KIAA1217: variants seen among roughly 807,000 people sequenced by gnomAD.
The protein encoded by KIAA1217 is sickle tail protein homolog.
A neutral mutation model predicts 163.9 loss-of-function variants in KIAA1217; 88 were observed. The observed-to-expected ratio is 0.54, with a 90% CI of 0.45 to 0.64. The LOEUF (loss-of-function observed/expected upper bound fraction) is 0.64. Ranked by LOEUF, KIAA1217 falls within the 30% of genes least tolerant of loss-of-function variation. The pLI is 0.00. For synonymous variants in KIAA1217, 903 were observed against 923.1 expected (o/e 0.98, Z 0.39); for missense variants, 2,372 against 2,475.0 (o/e 0.96, Z 0.88).
At chr10:23,954,698 T>G (rs1235353446) in intron 1 of KIAA1217, among the ~76,000 whole-genome samples, 2 of 152,040 alleles carry the variant, frequency 1.3e-5, no homozygotes, top group Non-Finnish European at 2.9e-5. Context: ...ACATGTAGAT[T>G]ATCTGCTCTA....
intron 2 of KIAA1217, among the ~76,000 whole-genome samples, chr10:24,198,036 T>G (rs1449928448): frequency 6.6e-6 from 1 of 152,258 alleles, no homozygotes; most frequent in Non-Finnish European, 1.5e-5. Flanking sequence ...TGAGTGAATA[T>G]CCAAACATAT....
intron 2 of KIAA1217, among the ~76,000 whole-genome samples, chr10:24,305,331 GA>G (rs1167299894): frequency 1.3e-5 from 2 of 152,166 alleles, no homozygotes. Flanking sequence ...GTGTCCTAAA[GA>G]ACCATCTTAA....
intron 1 of KIAA1217, among the ~76,000 whole-genome samples, chr10:23,907,292 T>TGTGTGTGTGTGTGTG (rs1554822036): frequency 3.4e-4 from 49 of 145,860 alleles, no homozygotes; most frequent in Admixed American, 1.6e-3. Flanking sequence ...CCAATATGAT[T>TGTGTGTGTGTGTGTG]TGTGTGTGTG....
intron 1 of KIAA1217, among the ~76,000 whole-genome samples, chr10:23,954,194 G>C (rs2131360580): frequency 6.6e-6 from 1 of 152,206 alleles, no homozygotes; most frequent in African/African-American, 2.4e-5. Context: ...TAAGTCAATA[G>C]ACGGAAAGAT....
chr10:23,869,924 A>G (rs552971499), intron 1 of KIAA1217, among the ~76,000 whole-genome samples: 2 of 152,280 alleles, frequency 1.3e-5, no homozygotes, highest in African/African-American at 4.8e-5. Flanking sequence ...TCTTCCTTAA[A>G]TACCGCCAGC....
intron 2 of KIAA1217, among the ~76,000 whole-genome samples, chr10:24,230,502 GTTT>G: frequency 1.1e-5 from 1 of 90,640 alleles, no homozygotes; most frequent in Non-Finnish European, 1.9e-5. Context: ...TATTTGTTTT[GTTT>G]TTTTTTTTTT....
intron 2 of KIAA1217, among the ~76,000 whole-genome samples, chr10:24,153,376 A>G (rs966025195): frequency 1.3e-5 from 2 of 152,212 alleles, no homozygotes; most frequent in Non-Finnish European, 2.9e-5. Flanking sequence ...TAAACATTGG[A>G]AGTAATAAAA....
chr10:23,936,954 C>T (rs1843556409), intron 1 of KIAA1217, among the ~76,000 whole-genome samples: 1 of 152,154 alleles, frequency 6.6e-6, no homozygotes, highest in African/African-American at 2.4e-5. Flanking sequence ...TCTCAGCTTA[C>T]TGCAACCTCC....
In KIAA1217 at chr10:24,383,461, C is replaced by T. The variant is rs114651191; in HGVS notation, c.553+2394C>T. The stretch of plus-strand genomic sequence containing the variant: ...GCAGAGAGGCTGCAGGAGCTGGGGC[C>T]GGCTTGCCCAAGGAATGGCTGAGGG... On this transcript the variant is annotated intron_variant, in intron 3 of 20. Coordinates refer to ENST00000376454, the MANE Select transcript of KIAA1217 (RefSeq NM_019590.5). Among the ~76,000 whole-genome samples, 593 of 152,326 alleles carry T rather than the reference C, an allele frequency of 3.9e-3. 1 individual carries two copies. The highest frequency in any genetic ancestry group is 0.011 in the African/African-American group (438 of 41,588).
intron 2 of KIAA1217, among the ~76,000 whole-genome samples, chr10:24,027,024 G>T (rs1847982898): frequency 6.6e-6 from 1 of 151,770 alleles, no homozygotes; most frequent in African/African-American, 2.4e-5. Context: ...AGGTTATTGA[G>T]ATGTTTGTTG....
At chr10:23,783,913 C>G (rs1353631201) in intron 1 of KIAA1217, among the ~76,000 whole-genome samples, 1 of 151,852 alleles carries the variant, frequency 6.6e-6, no homozygotes, top group Non-Finnish European at 1.5e-5. Context: ...TAATGTCTCT[C>G]CCCTTCATTT....
intron 1 of KIAA1217, among the ~76,000 whole-genome samples, chr10:23,958,991 G>A (rs931399763): frequency 4.0e-5 from 6 of 149,734 alleles, no homozygotes; most frequent in Non-Finnish European, 7.4e-5. Flanking sequence ...CCTGGAAGAT[G>A]TGCTCTGTGC....
intron 1 of KIAA1217, among the ~76,000 whole-genome samples, chr10:23,990,639 A>G (rs1589196502): frequency 6.6e-6 from 1 of 152,172 alleles, no homozygotes; most frequent in Non-Finnish European, 1.5e-5. Context: ...GATTTTTTTC[A>G]AAGTAGGCAT....
chr10:24,036,903 A>G (rs898295201), intron 2 of KIAA1217, among the ~76,000 whole-genome samples: 1 of 152,190 alleles, frequency 6.6e-6, no homozygotes, highest in Non-Finnish European at 1.5e-5. Flanking sequence ...AAGCACTTAG[A>G]ATTTTTAAGC....
chr10:23,906,021 C>T (rs1373469325), intron 1 of KIAA1217, among the ~76,000 whole-genome samples: 1 of 152,040 alleles, frequency 6.6e-6, no homozygotes, highest in Non-Finnish European at 1.5e-5. Context: ...TCTGATTCCA[C>T]AATGGCCATC....
At chr10:23,775,571 G>A (rs1345608526) in intron 1 of KIAA1217, among the ~76,000 whole-genome samples, 1 of 152,188 alleles carries the variant, frequency 6.6e-6, no homozygotes, top group Non-Finnish European at 1.5e-5. Context: ...ACACACGTCT[G>A]TTGTAGCATG....
intron 2 of KIAA1217, among the ~76,000 whole-genome samples, chr10:24,248,566 G>A (rs1037706026): frequency 1.3e-4 from 19 of 151,226 alleles, no homozygotes; most frequent in South Asian, 8.4e-4. Flanking sequence ...AGCTACTAGG[G>A]GGGCTGAGAC....
chr10:24,491,862 C>G (rs191213980), intron 6 of KIAA1217, among the ~76,000 whole-genome samples: 257 of 152,210 alleles, frequency 1.7e-3, no homozygotes, highest in Non-Finnish European at 2.3e-3. Flanking sequence ...ATCCCACACT[C>G]CAGCTGTACA....
intron 2 of KIAA1217, among the ~76,000 whole-genome samples, chr10:24,187,074 C>A (rs533669466): frequency 6.6e-6 from 1 of 152,076 alleles, no homozygotes. Context: ...ATTGATCTGC[C>A]TTTGAGACTC....
Sources: gnomAD v4.1 joint callset for allele counts (sites outside exome capture counted in the v4.1 genomes callset) on GRCh38, gnomAD v4.1.1 for gene constraint, MANE v1.5 for transcripts, NCBI Gene and HGNC (gene_info 2026-07-23, HGNC 2026-07-21) for gene names.